The following ALK variants were observed in gnomAD, a reference collection of about 807,000 sequenced individuals.
ALK encodes the protein ALK tyrosine kinase receptor.
Under a neutral mutation model 163.1 loss-of-function variants are expected in ALK, and 74 were observed. The ratio of observed to expected loss-of-function variants is 0.45; its 90% CI spans 0.38 to 0.55. The LOEUF (loss-of-function observed/expected upper bound fraction) is 0.55, where lower values mean the gene tolerates loss of function less well. ALK is among the 20% of genes least tolerant of loss of function. The pLI, the probability that ALK is intolerant of heterozygous loss-of-function variation, is 0.00. For synonymous variants in ALK, 960 were observed against 843.2 expected, an observed-to-expected ratio of 1.14 and a Z score of -2.40; for missense variants, 2,063 against 2,105.3, an observed-to-expected ratio of 0.98 and a Z score of 0.39.
At chr2:29,463,756 C>T (rs972283168) in intron 4 of ALK, among the ~76,000 whole-genome samples, 3 of 152,134 alleles carry the variant, frequency 2.0e-5, no homozygotes, top group Admixed American at 1.3e-4. Context: ...TCTGTAAAGG[C>T]GTCCCCTTGA....
At chr2:29,881,497 G>T (rs539675002) in intron 1 of ALK, among the ~76,000 whole-genome samples, 10 of 152,296 alleles carry the variant, frequency 6.6e-5, no homozygotes, top group Admixed American at 4.6e-4. Context: ...AAAGGGCATG[G>T]TGGCATTGTC....
intron 4 of ALK, among the ~76,000 whole-genome samples, chr2:29,497,659 A>C (rs1157087108): frequency 2.0e-5 from 3 of 152,302 alleles, no homozygotes; most frequent in Non-Finnish European, 2.9e-5. Context: ...CTGCATTCCT[A>C]TCAAGAGGGC....
intron 5 of ALK, among the ~76,000 whole-genome samples, chr2:29,366,223 A>T (rs1210990526): frequency 2.0e-5 from 3 of 152,158 alleles, no homozygotes; most frequent in South Asian, 2.1e-4. Flanking sequence ...TGTGGAACAG[A>T]CCCTGTGGGC....
At chr2:29,917,358 A>C (rs1667861732) in intron 1 of ALK, among the ~76,000 whole-genome samples, 1 of 152,248 alleles carries the variant, frequency 6.6e-6, no homozygotes. Context: ...TGAAGAGCCC[A>C]CATCATAGAA....
chr2:29,616,520 C>T (rs1211042506), intron 3 of ALK, among the ~76,000 whole-genome samples: 1 of 152,086 alleles, frequency 6.6e-6, no homozygotes, highest in East Asian at 1.9e-4. Context: ...AACAGACGCC[C>T]CCTGATGAAC....
chr2:29,694,423 T>C lies in ALK; in HGVS notation c.952+427A>G, dbSNP rs578115580. Among the ~76,000 whole-genome samples, 6 of 152,380 alleles carry C rather than the reference T, an allele frequency of 3.9e-5. No homozygotes were observed. In the South Asian group the frequency reaches 1.2e-3, roughly 32 times the overall value. ...ACACTCAATTACATTTGAATTGTTT[T>C]GTAAAATTGGAGTAGTTCTTAGTTT... is the stretch of plus-strand genomic sequence containing the variant. On this transcript the variant is annotated intron_variant, in intron 3 of 28. Transcript: ENST00000389048.
At chr2:29,876,396 ATGATGGTGG>A (rs1350328537) in intron 1 of ALK, among the ~76,000 whole-genome samples, 1 of 148,526 alleles carries the variant, frequency 6.7e-6, no homozygotes, top group Non-Finnish European at 1.5e-5. Flanking sequence ...GATGATGGTG[ATGATGGTGG>A]TGATGGTGAT....
chr2:29,763,579 C>A (rs562676450), intron 1 of ALK, among the ~76,000 whole-genome samples: 1 of 151,964 alleles, frequency 6.6e-6, no homozygotes, highest in South Asian at 2.1e-4. Context: ...CATTTATGGG[C>A]CACTGGAGAC....
At chr2:29,708,760 G>C (rs1678986336) in intron 2 of ALK, among the ~76,000 whole-genome samples, 1 of 152,206 alleles carries the variant, frequency 6.6e-6, no homozygotes, top group Non-Finnish European at 1.5e-5. Flanking sequence ...TTGAATCTCT[G>C]CTTTGCTGCT....
At chr2:29,678,348 T>A (rs1460626318) in intron 3 of ALK, among the ~76,000 whole-genome samples, 1 of 151,860 alleles carries the variant, frequency 6.6e-6, no homozygotes, top group Non-Finnish European at 1.5e-5. Flanking sequence ...ACATCGCATG[T>A]TTTCATTGAT....
chr2:29,610,735 T>C (rs1675667987), intron 3 of ALK, among the ~76,000 whole-genome samples: 1 of 152,216 alleles, frequency 6.6e-6, no homozygotes, highest in Non-Finnish European at 1.5e-5. Flanking sequence ...TATCTCATTT[T>C]ACAGCTAGAG....
At chr2:29,573,727 A>G (rs1433830409) in intron 3 of ALK, among the ~76,000 whole-genome samples, 1 of 152,238 alleles carries the variant, frequency 6.6e-6, no homozygotes, top group Non-Finnish European at 1.5e-5. Flanking sequence ...TTACAAAAAC[A>G]GCCAACTCCT....
intron 4 of ALK, among the ~76,000 whole-genome samples, chr2:29,424,195 T>C (rs1670083618): frequency 6.6e-6 from 1 of 152,202 alleles, no homozygotes; most frequent in African/African-American, 2.4e-5. Context: ...GGGTGTCCAA[T>C]AGATCAATGT....
At chr2:29,269,593 C>T (rs1410362285) in intron 11 of ALK, among the ~76,000 whole-genome samples, 1 of 152,160 alleles carries the variant, frequency 6.6e-6, no homozygotes, top group Non-Finnish European at 1.5e-5. Flanking sequence ...TCCCAAGAGC[C>T]TTGTTAAGGC....
intron 1 of ALK, among the ~76,000 whole-genome samples, chr2:29,747,241 T>C (rs192555146): frequency 1.3e-5 from 2 of 152,356 alleles, no homozygotes; most frequent in Non-Finnish European, 2.9e-5. Context: ...CAGGGCTTTA[T>C]TCACAACAAT....
At chr2:29,770,817 G>C (rs1680998212) in intron 1 of ALK, among the ~76,000 whole-genome samples, 1 of 151,872 alleles carries the variant, frequency 6.6e-6, no homozygotes, top group South Asian at 2.1e-4. Context: ...TAAATAATGA[G>C]AGTGCCAGAA....
chr2:29,428,256 G>A (rs1670191267), intron 4 of ALK, among the ~76,000 whole-genome samples: 1 of 151,918 alleles, frequency 6.6e-6, no homozygotes, highest in South Asian at 2.1e-4. Flanking sequence ...TGCAGAGACT[G>A]TAAATAACAA....
chr2:29,653,889 C>A (rs1573530577), intron 3 of ALK, among the ~76,000 whole-genome samples: 2 of 152,116 alleles, frequency 1.3e-5, no homozygotes, highest in Admixed American at 1.3e-4. Context: ...TGGCAAAACC[C>A]TATCCCTACT....
At chr2:29,427,073 A>C (rs558720278) in intron 4 of ALK, among the ~76,000 whole-genome samples, 1 of 144,418 alleles carries the variant, frequency 6.9e-6, no homozygotes, top group Admixed American at 7.1e-5. Context: ...AAGCTGTTAC[A>C]TAAAAAATAG....
Sources: allele counts gnomAD v4.1 joint callset (sites outside exome capture counted in the v4.1 genomes callset), GRCh38; gene constraint gnomAD v4.1.1; transcripts MANE v1.5; gene names NCBI Gene and HGNC (gene_info 2026-07-23, HGNC 2026-07-21).